Variants in RBMS3 observed in about 807,000 individuals in gnomAD.
RBMS3 encodes RNA-binding motif, single-stranded-interacting protein 3.
RBMS3 carries 27 observed loss-of-function variants against 66.8 expected under a neutral mutation model. The ratio of observed to expected loss-of-function variants is 0.40; its 90% confidence interval spans 0.30 to 0.56. The LOEUF is 0.56. Ranked by LOEUF, RBMS3 falls within the 20% of genes least tolerant of loss-of-function variation. The probability of loss-of-function intolerance (pLI) is 0.40; values close to 1 mark genes in which losing one functional copy is unlikely to be tolerated. For synonymous variants in RBMS3, 188 were observed against 183.0 expected (o/e 1.03, Z -0.22); for missense variants, 513 against 549.5 (o/e 0.93, Z 0.66).
intron 12 of RBMS3, among the ~76,000 whole-genome samples, chr3:29,973,478 C>G (rs1209508363): frequency 6.6e-6 from 1 of 151,884 alleles, no homozygotes; most frequent in Non-Finnish European, 1.5e-5. Context: ...GTAACTCAAC[C>G]AGTTTTTTCT....
chr3:29,318,966 A>T (rs2034852943), intron 1 of RBMS3, among the ~76,000 whole-genome samples: 1 of 151,976 alleles, frequency 6.6e-6, no homozygotes. Flanking sequence ...GATTTCAGTT[A>T]GAGAGCATTG....
At chr3:29,382,616 A>G (rs2125626363) in intron 1 of RBMS3, among the ~76,000 whole-genome samples, 1 of 152,324 alleles carries the variant, frequency 6.6e-6, no homozygotes, top group Admixed American at 6.5e-5. Context: ...GTTCACCAAA[A>G]TCCTGGAAGC....
chr3:29,992,038 C>G (rs1698910604), intron 14 of RBMS3, among the ~76,000 whole-genome samples: 1 of 151,966 alleles, frequency 6.6e-6, no homozygotes, highest in Non-Finnish European at 1.5e-5. Flanking sequence ...TTATTGAAAC[C>G]AAAAGAATTT....
intron 4 of RBMS3, among the ~76,000 whole-genome samples, chr3:29,657,987 C>T (rs1048531826): frequency 1.3e-5 from 2 of 152,122 alleles, no homozygotes; most frequent in African/African-American, 2.4e-5. Context: ...TATCCCCCAA[C>T]GATTGTCTGT....
chr3:29,776,825 G>A (rs994080107), intron 6 of RBMS3, among the ~76,000 whole-genome samples: 1 of 151,880 alleles, frequency 6.6e-6, no homozygotes, highest in Non-Finnish European at 1.5e-5. Context: ...TCCATTTTGA[G>A]CCTTATGTAC....
chr3:29,872,297 C>T (rs2059509930), intron 7 of RBMS3, among the ~76,000 whole-genome samples: 1 of 151,868 alleles, frequency 6.6e-6, no homozygotes, highest in Non-Finnish European at 1.5e-5. Flanking sequence ...AAAACAAAGG[C>T]AATTTTTTGA....
chr3:29,744,777 C>T (rs1281090178), intron 5 of RBMS3, among the ~76,000 whole-genome samples: 48 of 128,564 alleles, frequency 3.7e-4, no homozygotes, highest in Non-Finnish European at 1.6e-5. Context: ...GTGTAAGACT[C>T]CGTCTCGGAA....
At chr3:29,763,533 A>G (rs2055789104) in intron 6 of RBMS3, among the ~76,000 whole-genome samples, 1 of 152,040 alleles carries the variant, frequency 6.6e-6, no homozygotes, top group Non-Finnish European at 1.5e-5. Context: ...AATACTGTCT[A>G]TTTATCAGAG....
At chr3:29,979,547 A>G (rs992520689) in intron 12 of RBMS3, among the ~76,000 whole-genome samples, 1 of 152,144 alleles carries the variant, frequency 6.6e-6, no homozygotes, top group Non-Finnish European at 1.5e-5. Flanking sequence ...TCAACCCGTC[A>G]TCTACATTAG....
At chr3:29,849,954 A>C (rs1201012398) in intron 6 of RBMS3, among the ~76,000 whole-genome samples, 4 of 152,158 alleles carry the variant, frequency 2.6e-5, no homozygotes, top group South Asian at 2.1e-4. Context: ...TTGCAGCCTT[A>C]TTTCTTTCTT....
intron 4 of RBMS3, among the ~76,000 whole-genome samples, chr3:29,683,743 C>A (rs2051599159): frequency 6.6e-6 from 1 of 152,152 alleles, no homozygotes; most frequent in Non-Finnish European, 1.5e-5. Flanking sequence ...CTGTCTGAAC[C>A]CAGCTCAACT....
intron 1 of RBMS3, among the ~76,000 whole-genome samples, chr3:29,287,543 A>C (rs2032459000): frequency 6.6e-6 from 1 of 152,088 alleles, no homozygotes; most frequent in Non-Finnish European, 1.5e-5. Context: ...AGTGTTGTAT[A>C]AATATTGCTC....
intron 1 of RBMS3, among the ~76,000 whole-genome samples, chr3:29,393,438 A>T (rs9872131): frequency 6.6e-6 from 1 of 152,000 alleles, no homozygotes; most frequent in Non-Finnish European, 1.5e-5. Flanking sequence ...ATGCACACAC[A>T]CACACAATTA....
Position 29,627,411 on chromosome 3 carries a change from T to C in RBMS3, c.399+40206T>C, listed in dbSNP as rs150259398. 3.2e-4 allele frequency among the ~76,000 whole-genome samples: 48 copies of C among 152,196 alleles called. No homozygotes were observed. In the East Asian group the frequency reaches 8.7e-3, roughly 28 times the overall value. ...TGGTTGTAGGGGGCTGTCTTTTGCA[T>C]TGTAGGATATTTAGCATAACAATCC... On this transcript the variant is annotated intron_variant, in intron 4 of 14. Coordinates refer to ENST00000383767, the MANE Select transcript of RBMS3 (RefSeq NM_001003793.3).
intron 1 of RBMS3, among the ~76,000 whole-genome samples, chr3:29,381,805 T>C (rs2038774863): frequency 1.3e-5 from 2 of 152,212 alleles, no homozygotes; most frequent in African/African-American, 4.8e-5. Context: ...GAGTTCATTT[T>C]TGTCTTTTTG....
chr3:29,695,814 A>G (rs879929056), intron 4 of RBMS3, among the ~76,000 whole-genome samples: 10 of 152,236 alleles, frequency 6.6e-5, no homozygotes, highest in Admixed American at 5.2e-4. Flanking sequence ...AGTTTCACAA[A>G]CAATCCCAAG....
intron 3 of RBMS3, among the ~76,000 whole-genome samples, chr3:29,575,874 A>AT (rs1238353880): frequency 6.6e-6 from 1 of 151,702 alleles, no homozygotes; most frequent in Non-Finnish European, 1.5e-5. Context: ...TTCTTTGTTA[A>AT]TTTTTTCTGA....
At chr3:29,444,791 T>TTTTTTTTTTTTTTTTTTTTTTG (rs1309527555) in intron 2 of RBMS3, among the ~76,000 whole-genome samples, 1 of 111,124 alleles carries the variant, frequency 9.0e-6, no homozygotes, top group Non-Finnish European at 1.9e-5. Flanking sequence ...TATATGCCTT[T>TTTTTTTTTTTTTTTTTTTTTTG]TTTTTTTTTT....
rs2054552254 is a variant in RBMS3 at position 29,739,767 on chromosome 3, T to G, written c.447T>G (p.Ile149Met). ...ACCTATACATCTCAAATCTCCCCAT[T>G]TCTATGGATGAGCAGGAGCTTGAGA... ...PTNLYISNLP[I>M]SMDEQELENM... Residue 149 changes from isoleucine to methionine, a missense_variant, in exon 5 of 15, where the codon ATT becomes ATG. Transcript: ENST00000383767. The G allele has an allele frequency of 1.9e-6, 3 of 1,612,732 alleles. No individual in the cohort carries two copies. Among genetic ancestry groups the G allele is most frequent in the Non-Finnish European group, 2.5e-6 (3 of 1,179,318 alleles).
Sources: gnomAD v4.1 joint callset for allele counts (sites outside exome capture counted in the v4.1 genomes callset) on GRCh38, gnomAD v4.1.1 for gene constraint, MANE v1.5 for transcripts, NCBI Gene and HGNC (gene_info 2026-07-23, HGNC 2026-07-21) for gene names.